SOX5: variants seen among roughly 807,000 people sequenced by gnomAD.
SOX5 encodes transcription factor SOX-5.
In SOX5, 9 loss-of-function variants were observed where a neutral mutation model predicts 92.0. That is an observed-to-expected ratio of 0.10 (90% CI 0.06 to 0.17). The LOEUF (loss-of-function observed/expected upper bound fraction) is 0.17. Ranked by LOEUF, SOX5 falls within the 10% of genes least tolerant of loss-of-function variation. SOX5 has a pLI of 1.00. For missense variants in SOX5, 642 were observed against 944.5 expected (o/e 0.68, Z 4.20); for synonymous variants, 344 against 336.3 (o/e 1.02, Z -0.25).
At chr12:24,193,080 G>C (rs1956681915) in intron 4 of SOX5, among the ~76,000 whole-genome samples, 2 of 152,126 alleles carry the variant, frequency 1.3e-5, no homozygotes, top group African/African-American at 4.8e-5. Context: ...AAGTTTAAAA[G>C]CACATAACAG....
intron 11 of SOX5, among the ~76,000 whole-genome samples, 195 bp from the exon 12 acceptor site, chr12:23,546,619 C>T (rs1485206798): frequency 6.6e-6 from 1 of 152,144 alleles, no homozygotes; most frequent in African/African-American, 2.4e-5. Context: ...AACTCTGATT[C>T]TCATAGACCC....
chr12:23,745,243 C>T (rs1197385818), intron 4 of SOX5, among the ~76,000 whole-genome samples: 1 of 152,124 alleles, frequency 6.6e-6, no homozygotes, highest in Admixed American at 6.6e-5. Flanking sequence ...ATCCTGCCTT[C>T]TCTATCTTCA....
At chr12:23,634,805 T>C (rs1024120420) in intron 8 of SOX5, among the ~76,000 whole-genome samples, 2 of 152,188 alleles carry the variant, frequency 1.3e-5, no homozygotes, top group Non-Finnish European at 2.9e-5. Context: ...TTTTAAAAGG[T>C]GATTAATTAA....
intron 1 of SOX5, among the ~76,000 whole-genome samples, chr12:24,495,096 AC>A (rs1008583434): frequency 1.1e-4 from 17 of 152,224 alleles, no homozygotes; most frequent in Non-Finnish European, 2.2e-4. Context: ...TTTTCAATGA[AC>A]CATTGTCAAA....
intron 4 of SOX5, among the ~76,000 whole-genome samples, chr12:24,014,596 T>C (rs1040421281): frequency 6.6e-6 from 1 of 152,090 alleles, no homozygotes; most frequent in African/African-American, 2.4e-5. Context: ...TGATCTTGAG[T>C]GGATTCAATA....
At chr12:23,734,959 T>G (rs1282373525) in intron 5 of SOX5, among the ~76,000 whole-genome samples, 1 of 152,192 alleles carries the variant, frequency 6.6e-6, no homozygotes, top group Non-Finnish European at 1.5e-5. Context: ...TCTTTTGGCC[T>G]AAAACAAATG....
At chr12:23,640,996 T>G (rs899078537) in intron 7 of SOX5, 99 bp from the exon 8 acceptor site, 10 of 781,380 alleles carry the variant, frequency 1.3e-5, no homozygotes, top group Admixed American at 2.7e-5. Flanking sequence ...TTCTTTTGTG[T>G]GCCTTGCTGA....
intron 2 of SOX5, among the ~76,000 whole-genome samples, chr12:24,344,537 AC>A (rs1952991044): frequency 6.6e-6 from 1 of 152,092 alleles, no homozygotes; most frequent in Admixed American, 6.5e-5. Flanking sequence ...ACATGACAAC[AC>A]AAAGCCACAG....
chr12:23,993,491 C>CT (rs1950744359), intron 4 of SOX5, among the ~76,000 whole-genome samples: 1 of 152,120 alleles, frequency 6.6e-6, no homozygotes, highest in African/African-American at 2.4e-5. Context: ...GGACTCAAAA[C>CT]TGTCATCATG....
intron 4 of SOX5, among the ~76,000 whole-genome samples, chr12:24,129,337 A>AT (rs146951188): frequency 6.6e-6 from 1 of 152,076 alleles, no homozygotes; most frequent in Non-Finnish European, 1.5e-5. Context: ...CCCTTTACTA[A>AT]TTTTTTTAAA....
intron 3 of SOX5, among the ~76,000 whole-genome samples, chr12:24,258,139 C>T (rs574211463): frequency 7.2e-5 from 11 of 152,170 alleles, no homozygotes; most frequent in Non-Finnish European, 8.8e-5. Context: ...TGCCACTGCA[C>T]TCCAGCCTGG....
intron 1 of SOX5, among the ~76,000 whole-genome samples, chr12:23,897,935 C>G (rs1035370419): frequency 2.0e-5 from 3 of 152,108 alleles, no homozygotes; most frequent in African/African-American, 7.2e-5. Context: ...TGAACAAGGC[C>G]TATTCCAAGT....
intron 9 of SOX5, among the ~76,000 whole-genome samples, chr12:23,598,467 C>G (rs1952853357): frequency 7.3e-6 from 1 of 136,922 alleles, no homozygotes; most frequent in African/African-American, 2.7e-5. Context: ...GGCGCGATCT[C>G]GGCTCACTGC....
At chr12:23,566,246 T>C (rs1813366386) in intron 10 of SOX5, among the ~76,000 whole-genome samples, 1 of 152,222 alleles carries the variant, frequency 6.6e-6, no homozygotes. Context: ...TAACCTTGTT[T>C]TGCCCTCTCT....
intron 4 of SOX5, among the ~76,000 whole-genome samples, chr12:24,105,717 C>A (rs1448215174): frequency 1.3e-5 from 2 of 152,128 alleles, no homozygotes; most frequent in African/African-American, 4.8e-5. Context: ...TGCAATATCA[C>A]CTCAACTCTA....
chr12:24,366,312 G>T (rs1464350034), intron 2 of SOX5, among the ~76,000 whole-genome samples: 1 of 152,100 alleles, frequency 6.6e-6, no homozygotes, highest in Non-Finnish European at 1.5e-5. Context: ...AATTACAAAG[G>T]TGATTCTGCT....
intron 1 of SOX5, among the ~76,000 whole-genome samples, chr12:24,516,251 T>G (rs1337135654): frequency 6.6e-6 from 1 of 152,014 alleles, no homozygotes; most frequent in Non-Finnish European, 1.5e-5. Context: ...TCTCACCATG[T>G]TACCCCAGCT....
intron 3 of SOX5, among the ~76,000 whole-genome samples, chr12:23,790,548 T>TCTCACACACACA (rs1340837266): frequency 4.4e-5 from 6 of 137,320 alleles, no homozygotes; most frequent in African/African-American, 1.7e-4. Flanking sequence ...TCTCAATCTC[T>TCTCACACACACA]CACACACACA....
At chr12:23,659,870 G>A (rs905203155) in intron 7 of SOX5, among the ~76,000 whole-genome samples, 2 of 152,146 alleles carry the variant, frequency 1.3e-5, no homozygotes, top group African/African-American at 2.4e-5. Context: ...GGGAGGCTGA[G>A]GCAGGAGAAT....
Sources: allele counts gnomAD v4.1 joint callset (sites outside exome capture counted in the v4.1 genomes callset), GRCh38; gene constraint gnomAD v4.1.1; transcripts MANE v1.5; gene names NCBI Gene and HGNC (gene_info 2026-07-23, HGNC 2026-07-21).